Variants in OXNAD1 observed in about 807,000 individuals in gnomAD.
The protein encoded by OXNAD1 is oxidoreductase NAD binding domain containing 1.
OXNAD1 carries 34 observed loss-of-function variants against 32.9 expected under a neutral mutation model. The ratio of observed to expected loss-of-function variants is 1.03; its 90% CI spans 0.79 to 1.38. The LOEUF (loss-of-function observed/expected upper bound fraction) is 1.38, where lower values mean the gene tolerates loss of function less well. Among genes scored for constraint, OXNAD1 ranks in the 40% most tolerant of loss-of-function variants. The pLI is 0.00. For missense variants in OXNAD1, 407 were observed against 379.4 expected (o/e 1.07, Z -0.60); for synonymous variants, 134 against 135.2 (o/e 0.99, Z 0.06).
chr3:16,333,935 G>A (rs547297118), intron 9 of OXNAD1, among the ~76,000 whole-genome samples: 203 of 152,320 alleles, frequency 1.3e-3, no homozygotes, highest in African/African-American at 3.9e-3. Flanking sequence ...GGAGGCCGAC[G>A]CGGGTAGAGC....
rs922365772 is a variant in OXNAD1 at position 16,325,081 on chromosome 3, A to G, written c.*31-12031A>G. 1.4e-4 allele frequency among the ~76,000 whole-genome samples: 21 copies of G among 152,210 alleles called. 1 individual carries two copies. The highest frequency in any genetic ancestry group is 1.5e-5 in the Non-Finnish European group (1 of 68,034). ...TGTAAATTTCTTTACATGTTACTGC[A>G]TTCAGCTACAAAGTCTGTAAGAAAA... On this transcript the variant is annotated intron_variant, in intron 9 of 9. Coordinates refer to the OXNAD1 transcript ENST00000435829.
chr3:16,300,230 A>AACT (rs2067083216), intron 6 of OXNAD1, among the ~76,000 whole-genome samples: 1 of 152,164 alleles, frequency 6.6e-6, no homozygotes, highest in Non-Finnish European at 1.5e-5. Context: ...ATAATTCTCT[A>AACT]ACTAATACAA....
Position 16,287,063 on chromosome 3 carries a change from G to A in OXNAD1, c.290+615G>A, listed in dbSNP as rs756100355. 7.9e-5 allele frequency among the ~76,000 whole-genome samples: 12 copies of A among 152,176 alleles called. No individual in the cohort carries two copies. Among genetic ancestry groups the A allele is most frequent in the Non-Finnish European group, 1.8e-4 (12 of 68,036 alleles). On this transcript the variant is annotated intron_variant, in intron 5 of 8. Transcript: ENST00000285083. This position sits in a 1 kb window ranked among gnomAD's most constrained non-coding sequence, Gnocchi z 4.8. The stretch of plus-strand genomic sequence containing the variant: ...ATCATAAGTCTGTCCCATTTGACTC[G>A]GGACTGATCAGCATGCTGACTGGGT...
intron 9 of OXNAD1, among the ~76,000 whole-genome samples, chr3:16,319,916 G>A (rs562252690): frequency 1.3e-5 from 2 of 152,270 alleles, no homozygotes; most frequent in South Asian, 4.2e-4. Context: ...GTAGGACCGG[G>A]GGAGTCTCTG....
Position 16,265,263 on chromosome 3 carries a change from A to C in OXNAD1, c.-401A>C, listed in dbSNP as rs2276786. The C allele has an allele frequency of 0.03, 6,792 of 225,452 alleles. 142 individuals are homozygous for C. The highest frequency in any genetic ancestry group is 0.086 in the Middle Eastern group (49 of 568). The allele number at this position is 225,452 out of a possible 1,614,324, so 14.0% of individuals were successfully genotyped here. On this transcript the variant is annotated 5_prime_UTR_variant, in exon 1 of 9. Transcript: ENST00000285083. The surrounding 1 kb of genome is among the most constrained non-coding windows in gnomAD (Gnocchi z 4.8). The stretch of plus-strand genomic sequence containing the variant: ...TGGCCGGGTCTGCAAGCTAGGTGCC[A>C]GCGGGGAAAGTTTCCCTGCTTCTTA...
chr3:16,268,291 C>CTTAGGATTT (rs1298602036), intron 1 of OXNAD1, among the ~76,000 whole-genome samples: 2 of 103,842 alleles, frequency 1.9e-5, no homozygotes, highest in Admixed American at 1.0e-4. Context: ...AAAATAAAAT[C>CTTAGGATTT]TTAGGATTTT....
Position 16,269,291 on chromosome 3 carries a change from T to C in OXNAD1, c.-9+16T>C. 2.0e-6 allele frequency: 3 copies of C among 1,533,336 alleles called. No individual in the cohort carries two copies. Among genetic ancestry groups the C allele is most frequent in the Non-Finnish European group, 2.6e-6 (3 of 1,144,916 alleles). 95.0% of individuals were successfully genotyped at this position (1,533,336 alleles called of 1,614,324 possible). ...GACTTCTAAGGTAAGTTTCAACTTC[T>C]TTCTTTCAGGGATTAAGGTAACATT... On this transcript the variant is annotated intron_variant, in intron 2 of 8. Transcript: ENST00000285083.
At chr3:16,337,796 A>G (rs1218972684), downstream of OXNAD1, among the ~76,000 whole-genome samples, 1 of 152,090 alleles carries the variant, frequency 6.6e-6, no homozygotes, top group Non-Finnish European at 1.5e-5. This position sits in a 1 kb window ranked among gnomAD's most constrained non-coding sequence, Gnocchi z 5.0. Flanking sequence ...GAGAAATACA[A>G]TGATATAGTT....
At chr3:16,331,951 TAG>T (rs1324359047) in intron 9 of OXNAD1, among the ~76,000 whole-genome samples, 1 of 152,246 alleles carries the variant, frequency 6.6e-6, no homozygotes, top group Non-Finnish European at 1.5e-5. Flanking sequence ...TAGTAGTTTC[TAG>T]ATGTCAGCAA....
chr3:16,316,515 C>A lies in OXNAD1; in HGVS notation c.*30+12923C>A. ...GGAGGCCCTGTGGCGAGGACAGGCA[C>A]TGGATGGTCCAGACCCTCTGGCTGG... On this transcript the variant is annotated intron_variant, in intron 9 of 9. Coordinates refer to the OXNAD1 transcript ENST00000435829. This position sits in a 1 kb window ranked among gnomAD's most constrained non-coding sequence, Gnocchi z 4.5. 2.5e-6 allele frequency: 1 copy of A among 393,306 alleles called. No individual in the cohort carries two copies. 24.4% of individuals were successfully genotyped at this position (393,306 alleles called of 1,614,324 possible). A position where few individuals can be genotyped will look rare whatever the true frequency, so the allele number is the denominator to read the frequency against.
chr3:16,294,800 T>C (rs2066661293), intron 5 of OXNAD1, 56 bp from the exon 6 acceptor site: 2 of 1,549,340 alleles, frequency 1.3e-6, no homozygotes, highest in Non-Finnish European at 1.8e-6. Flanking sequence ...TTCTGTTTAA[T>C]TTACCAATTT....
chr3:16,284,195 G>A lies in OXNAD1; in HGVS notation c.184-2147G>A, dbSNP rs75082885. Among the ~76,000 whole-genome samples, 4,774 of 152,338 alleles carry A rather than the reference G, an allele frequency of 0.031. 106 individuals carry two copies. The highest frequency in any genetic ancestry group is 0.082 in the Middle Eastern group (24 of 294). ...CAGTCTCTGAGATGTTCAGTGCTCA[G>A]TCTTTAAGGCCCTGGTGCAAAAGCA... On this transcript the variant is annotated intron_variant, in intron 4 of 8. Transcript: ENST00000285083. The surrounding 1 kb of genome is among the most constrained non-coding windows in gnomAD (Gnocchi z 4.1).
intron 4 of OXNAD1, chr3:16,275,047 C>CT (rs956803050): frequency 6.5e-6 from 1 of 153,406 alleles, no homozygotes; most frequent in African/African-American, 2.4e-5. Context: ...GCTTTAAAGC[C>CT]TTTTTACTCT....
In OXNAD1 at chr3:16,329,407, G is replaced by A. The variant is rs988204875; in HGVS notation, c.*31-7705G>A. ...GGAAGGGAGGAGGGAAGGGAGGAAA[G>A]GAGAGAGAGGTACAAGAATAATCCG... On this transcript the variant is annotated intron_variant, in intron 9 of 9. Coordinates refer to the OXNAD1 transcript ENST00000435829. The surrounding 1 kb of genome is among the most constrained non-coding windows in gnomAD (Gnocchi z 4.5). Among the ~76,000 whole-genome samples the A allele has an allele frequency of 3.3e-5, 5 of 152,296 alleles. No homozygotes were observed. Among genetic ancestry groups the A allele is most frequent in the African/African-American group, 1.2e-4 (5 of 41,562 alleles).
In OXNAD1 at chr3:16,302,790, T is replaced by A; in HGVS notation, c.784+42T>A. The A allele has an allele frequency of 7.0e-7, 1 of 1,426,612 alleles. No homozygotes were observed. The highest frequency in any genetic ancestry group is 9.8e-7 in the Non-Finnish European group (1 of 1,017,346). The allele number at this position is 1,426,612 out of a possible 1,614,324, so 88.4% of individuals were successfully genotyped here. Reference sequence around the variant, plus strand: ...TATTTTGACTATCTCCATGCAGTTATTTGATGGACACACCAGTTGGTTGAG... The same window carrying A: ...TATTTTGACTATCTCCATGCAGTTAATTGATGGACACACCAGTTGGTTGAG... On this transcript the variant is annotated intron_variant, in intron 8 of 8. Coordinates refer to ENST00000285083, the MANE Select transcript of OXNAD1 (RefSeq NM_138381.5). This position sits in a 1 kb window ranked among gnomAD's most constrained non-coding sequence, Gnocchi z 4.2.
At chr3:16,272,074 T>C in intron 4 of OXNAD1, 1 of 454,564 alleles carries the variant, frequency 2.2e-6, no homozygotes, top group Non-Finnish European at 4.1e-6. Context: ...CCTTTCTCTG[T>C]TTTTTTGTGT....
At chr3:16,339,133 A>G (rs1299149903), downstream of OXNAD1, among the ~76,000 whole-genome samples, 3 of 152,222 alleles carry the variant, frequency 2.0e-5, no homozygotes, top group East Asian at 3.8e-4. Flanking sequence ...TGGGTAAGAC[A>G]TGGGATTTCT....
intron 2 of OXNAD1, among the ~76,000 whole-genome samples, chr3:16,270,636 C>G (rs1371336133): frequency 6.6e-6 from 1 of 152,144 alleles, no homozygotes; most frequent in African/African-American, 2.4e-5. Context: ...CTCCCCTCTT[C>G]TATAATAGCA....
chr3:16,332,838 T>TCTACCTAC (rs10662085), intron 9 of OXNAD1, among the ~76,000 whole-genome samples: 9 of 151,300 alleles, frequency 5.9e-5, no homozygotes, highest in South Asian at 4.2e-4. Context: ...CATCGATTTA[T>TCTACCTAC]CTACCTACCT....
Sources: allele counts gnomAD v4.1 joint callset (sites outside exome capture counted in the v4.1 genomes callset), GRCh38; gene constraint gnomAD v4.1.1; non-coding constraint Gnocchi (gnomAD v3.1); transcripts MANE v1.5; gene names NCBI Gene and HGNC (gene_info 2026-07-23, HGNC 2026-07-21).